The following DNAH1 variants were observed in gnomAD, a reference collection of about 807,000 sequenced individuals.
The protein encoded by DNAH1 is dynein axonemal heavy chain 1.
DNAH1 carries 327 observed loss-of-function variants against 484.3 expected under a neutral mutation model. That is an observed-to-expected ratio of 0.68 (90% CI 0.62 to 0.74). The LOEUF is 0.74. Ranked by LOEUF, DNAH1 falls within the 30% of genes least tolerant of loss-of-function variation. The pLI is 0.00. For synonymous variants in DNAH1, 2,192 were observed against 2,191.9 expected (o/e 1.00, Z 0.00); for missense variants, 5,052 against 5,546.8 (o/e 0.91, Z 2.83).
rs146242191 is a variant in DNAH1, at chr3:52,367,636, G to A, written c.5765+749G>A. Among the ~76,000 whole-genome samples the A allele has an allele frequency of 1.9e-3, 287 of 151,754 alleles. 1 individual carries two copies. The highest frequency in any genetic ancestry group is 6.2e-3 in the African/African-American group (255 of 41,334). ...GTTGCCCAGGCTGGAGTGCAGTGGC[G>A]CCATCTCGGCTCACCGCAACCTCTG... On this transcript the variant is annotated intron_variant, in intron 36 of 77. Transcript: ENST00000420323.
At position 52,385,353 on chromosome 3, in the gene DNAH1, A is replaced by G; in HGVS notation, c.8531A>G (p.Glu2844Gly). The change falls in exon 54 of 78, where the codon GAG becomes GGG. Residue 2844 changes from glutamate to glycine, a missense_variant. Glu to Gly is a moderately conservative substitution (Grantham distance 98, BLOSUM62 -2). Transcript: ENST00000420323. The stretch of plus-strand genomic sequence containing the variant: ...GACCCCTAGCTGCTGCGCACTTCTG[A>G]GGATGTAGCCAAGATGCAGGAGGAC... ...SGLDKLLRTS[E>G]DVAKMQEDLE... is the part of the protein sequence containing the mutation. 6.4e-7 allele frequency: 1 copy of G among 1,552,400 alleles called. No individual in the cohort carries two copies. Among genetic ancestry groups the G allele is most frequent in the Non-Finnish European group, 8.7e-7 (1 of 1,147,362 alleles).
intron 8 of DNAH1, 126 bp downstream of exon 8, chr3:52,332,520 ATT>A (rs1434023753): frequency 7.2e-7 from 1 of 1,396,864 alleles, no homozygotes; most frequent in African/African-American, 1.4e-5. Context: ...TGTCCTGGCT[ATT>A]GCCCTCTGGA....
intron 1 of DNAH1, among the ~76,000 whole-genome samples, chr3:52,322,016 T>C (rs1157965668): frequency 6.6e-6 from 1 of 151,976 alleles, no homozygotes; most frequent in Non-Finnish European, 1.5e-5. Context: ...TAGGGAAATT[T>C]ATTGGGTGAG....
intron 34 of DNAH1, 79 bp from the exon 35 acceptor site, chr3:52,366,378 C>A: frequency 8.3e-7 from 1 of 1,199,452 alleles, no homozygotes; most frequent in Middle Eastern, 2.1e-4. Flanking sequence ...AGTGACTCAC[C>A]CAAGGTCACA....
intron 5 of DNAH1, 33 bp downstream of exon 5, chr3:52,326,924 A>G (rs1372628540): frequency 6.2e-7 from 1 of 1,600,630 alleles, no homozygotes. Context: ...GTTGAGAGAC[A>G]GGGGCAGAAG....
chr3:52,349,238 G>T lies in DNAH1; in HGVS notation c.2344G>T (p.Val782Leu). The change falls in exon 14 of 78, where the codon GTA becomes TTA. Residue 782 changes from valine to leucine, a missense_variant. By Grantham distance (32) the Val-to-Leu change is conservative (BLOSUM62 1). Around this residue, in one of 4 missense-constraint regions of DNAH1, gnomAD observed 1,263 missense variants for 1,218.8 expected, o/e 1.04. Transcript: ENST00000420323. ...QGLLAQEVRE[V>L]VLTHLREKEI... ...CCTGTTGGCCCAGGAGGTGCGGGAGGTAGTGCTCACCCACCTGCGGGAGAA... is the reference window on the plus strand; with the variant it reads ...CCTGTTGGCCCAGGAGGTGCGGGAGTTAGTGCTCACCCACCTGCGGGAGAA... The T allele has an allele frequency of 6.2e-7, 1 of 1,613,884 alleles. No individual in the cohort carries two copies. Among genetic ancestry groups the T allele is most frequent in the Non-Finnish European group, 8.5e-7 (1 of 1,179,846 alleles).
At chr3:52,369,089 C>T (rs929905119) in intron 37 of DNAH1, among the ~76,000 whole-genome samples, 171 bp downstream of exon 37, 5 of 152,208 alleles carry the variant, frequency 3.3e-5, no homozygotes, top group Non-Finnish European at 7.4e-5. Flanking sequence ...AGCTTAGGCT[C>T]AGCTCCTAGT....
chr3:52,370,181 C>T lies in DNAH1; in HGVS notation c.6210C>T (p.Ser2070=). The change falls in exon 39 of 78, where the codon AGC becomes AGT. Residue 2070 remains serine, a synonymous_variant. Coordinates refer to ENST00000420323, the MANE Select transcript of DNAH1 (RefSeq NM_015512.5). ...CAACCAACTGCAACCTGACCATGAG[C>T]CTCCTCAAGCTGCTGGACTGCTTCT... The part of the protein sequence containing the change: ...IASTNCNLTM[S]LLKLLDCFFK... 1 of 1,614,014 alleles carries T rather than the reference C, an allele frequency of 6.2e-7. No homozygotes were observed. Among genetic ancestry groups the T allele is most frequent in the Non-Finnish European group, 8.5e-7 (1 of 1,179,882 alleles).
chr3:52,363,482 C>A (rs532277113), intron 32 of DNAH1, among the ~76,000 whole-genome samples: 1 of 152,198 alleles, frequency 6.6e-6, no homozygotes, highest in East Asian at 1.9e-4. Flanking sequence ...AGCAAGTGCA[C>A]CTGGGCCTTG....
Position 52,368,719 on chromosome 3 carries a change from C to T in DNAH1, c.5766-22C>T. On this transcript the variant is annotated intron_variant, in intron 36 of 77. Transcript: ENST00000420323. This position sits in a 1 kb window ranked among gnomAD's most constrained non-coding sequence, Gnocchi z 4.4. ...GCACCGCCTCCCTGATGTTTCCAGC[C>T]CTCTCCTCCCTGGCGCTGCAGGACA... 1 of 1,604,790 alleles carries T rather than the reference C, an allele frequency of 6.2e-7. No homozygotes were observed. Among genetic ancestry groups the T allele is most frequent in the South Asian group, 1.1e-5 (1 of 90,668 alleles).
At position 52,368,464 on chromosome 3, in the gene DNAH1, C is replaced by T. The variant is rs1034104610; in HGVS notation, c.5766-277C>T. On this transcript the variant is annotated intron_variant, in intron 36 of 77. Coordinates refer to ENST00000420323, the MANE Select transcript of DNAH1 (RefSeq NM_015512.5). The surrounding 1 kb of genome is among the most constrained non-coding windows in gnomAD (Gnocchi z 4.4). Reference sequence around the variant, plus strand: ...TCCATTGTCTTCCAGAGCTGCACTTCCTCCATCTCTGCTATTGCCTCCTCC... The same window carrying T: ...TCCATTGTCTTCCAGAGCTGCACTTTCTCCATCTCTGCTATTGCCTCCTCC... 1.8e-4 allele frequency among the ~76,000 whole-genome samples: 27 copies of T among 152,186 alleles called. No individual in the cohort carries two copies. Among genetic ancestry groups the T allele is most frequent in the African/African-American group, 6.0e-4 (25 of 41,426 alleles).
At chr3:52,345,843 C>A in intron 10 of DNAH1, 137 bp downstream of exon 10, 1 of 928,346 alleles carries the variant, frequency 1.1e-6, no homozygotes, top group Non-Finnish European at 1.6e-6. Context: ...TTTCTCAAAA[C>A]CTGGCCTCAG....
upstream of DNAH1, among the ~76,000 whole-genome samples, chr3:52,315,003 T>A (rs1700902515): frequency 6.6e-6 from 1 of 152,162 alleles, no homozygotes; most frequent in Admixed American, 6.5e-5. Context: ...AAGGTGATCA[T>A]GTGGATCAAA....
chr3:52,396,462 C>T lies in DNAH1; in HGVS notation c.11354C>T (p.Pro3785Leu), dbSNP rs376029875. The T allele has an allele frequency of 2.9e-5, 46 of 1,599,724 alleles. No individual in the cohort carries two copies. Among genetic ancestry groups the T allele is most frequent in the South Asian group, 5.6e-5 (5 of 88,654 alleles). ...AACGGCTCCAAGATGACCATTGAGCCGCCACGCGGTGTCAGGGCCAACCTG... is the reference window on the plus strand; with the variant it reads ...AACGGCTCCAAGATGACCATTGAGCTGCCACGCGGTGTCAGGGCCAACCTG... ...LQNGSKMTIE[P>L]PRGVRANLLK... Residue 3785 changes from proline to leucine, a missense_variant, in exon 71 of 78, where the codon CCG (proline) becomes CTG (leucine). Physicochemically the swap from Pro to Leu is moderately conservative, Grantham distance 98 (BLOSUM62 -3). Coordinates refer to ENST00000420323, the MANE Select transcript of DNAH1 (RefSeq NM_015512.5).
chr3:52,399,754 C>G lies in DNAH1; in HGVS notation c.12651C>G (p.Pro4217=), dbSNP rs1704822284. ...KAQDQDFYLC[P]IYKTLTRAGT... ...AGGACCAGGACTTTTACCTGTGCCCCATCTACAAGACACTGACTCGTGCTG... is the reference window on the plus strand; with the variant it reads ...AGGACCAGGACTTTTACCTGTGCCCGATCTACAAGACACTGACTCGTGCTG... Residue 4217 remains proline, a synonymous_variant, in exon 77 of 78, where the codon CCC becomes CCG. Transcript: ENST00000420323. 6.2e-7 allele frequency: 1 copy of G among 1,613,810 alleles called. No individual in the cohort carries two copies. The highest frequency in any genetic ancestry group is 8.5e-7 in the Non-Finnish European group (1 of 1,179,866).
rs746948764 is a variant in DNAH1 at position 52,393,440 on chromosome 3, C to G, written c.10581C>G (p.Phe3527Leu). 4 of 1,613,932 alleles carry G rather than the reference C, an allele frequency of 2.5e-6. No homozygotes were observed. The African/African-American group carries it at 5.3e-5, about 22-fold the overall frequency. Reference sequence around the variant, plus strand: ...AGAAGCACAAGCTGATGTTTGCCTTCCTGCTGTGTGTTCGCATCATGATGA... The same window carrying G: ...AGAAGCACAAGCTGATGTTTGCCTTGCTGCTGTGTGTTCGCATCATGATGA... ...LFEKHKLMFA[F>L]LLCVRIMMNE... The change falls in exon 66 of 78, where the codon TTC becomes TTG. Residue 3527 changes from phenylalanine (F) to leucine (L), a missense_variant. By Grantham distance (22) the Phe-to-Leu change is conservative. Coordinates refer to ENST00000420323, the MANE Select transcript of DNAH1 (RefSeq NM_015512.5).
chr3:52,339,773 TTTG>T (rs1479885801), intron 8 of DNAH1, among the ~76,000 whole-genome samples: 57 of 151,932 alleles, frequency 3.8e-4, no homozygotes, highest in Non-Finnish European at 6.5e-4. Context: ...TTTTTGTTTG[TTTG>T]TTTTTAGAAT....
intron 40 of DNAH1, 34 bp from the exon 41 acceptor site, chr3:52,370,684 C>A: frequency 6.3e-7 from 1 of 1,597,258 alleles, no homozygotes; most frequent in African/African-American, 1.3e-5. Context: ...CCTACTGGGC[C>A]TCACAGCCTG....
Position 52,358,444 on chromosome 3 carries a change from A to T in DNAH1, c.4087-114A>T. 2 of 1,142,690 alleles carry T rather than the reference A, an allele frequency of 1.8e-6. No homozygotes were observed. Among genetic ancestry groups the T allele is most frequent in the Non-Finnish European group, 2.4e-6 (2 of 825,758 alleles). 70.8% of individuals were successfully genotyped at this position (1,142,690 alleles called of 1,614,324 possible). A position where few individuals can be genotyped will look rare whatever the true frequency, so the allele number is the denominator to read the frequency against. On this transcript the variant is annotated intron_variant, in intron 24 of 77. Coordinates refer to ENST00000420323, the MANE Select transcript of DNAH1 (RefSeq NM_015512.5). This position sits in a 1 kb window ranked among gnomAD's most constrained non-coding sequence, Gnocchi z 4.2. ...TAGACTCTCGGGGGGACGGGAAGGC[A>T]GGGCTTTCTTCTTGAGGTGGAGGGC...
Sources: gnomAD v4.1 joint callset for allele counts (sites outside exome capture counted in the v4.1 genomes callset) on GRCh38, gnomAD v4.1.1 for gene constraint, gnomAD v4.1.1 regional missense constraint, Gnocchi (gnomAD v3.1) non-coding constraint, MANE v1.5 for transcripts, NCBI Gene and HGNC (gene_info 2026-07-23, HGNC 2026-07-21) for gene names.